The following PRR5 variants were observed in gnomAD, a reference collection of about 807,000 sequenced individuals.
The protein encoded by PRR5 is proline rich 5.
A neutral mutation model predicts 30.6 loss-of-function variants in PRR5; 25 were observed. That is an observed-to-expected ratio of 0.82 (90% CI 0.60 to 1.14). The LOEUF is 1.14. PRR5 is among the 50% of genes most tolerant of loss of function. The probability of loss-of-function intolerance (pLI) is 0.00; values close to 1 mark genes in which losing one functional copy is unlikely to be tolerated. For synonymous variants in PRR5, 286 were observed against 247.1 expected (o/e 1.16, Z -1.48); for missense variants, 600 against 547.1 (o/e 1.10, Z -0.96).
chr22:44,672,383 G>A (rs924836438), upstream of PRR5, among the ~76,000 whole-genome samples: 11 of 152,092 alleles, frequency 7.2e-5, no homozygotes, highest in African/African-American at 2.4e-4. Context: ...TCAGGAGTTC[G>A]AGAGCAGGCT....
At position 44,729,429 on chromosome 22, in the gene PRR5, C is replaced by T. The variant is rs544901597; in HGVS notation, c.323-2301C>T. 33 of 985,300 alleles carry T rather than the reference C, an allele frequency of 3.3e-5. No individual in the cohort carries two copies. The South Asian group carries it at 1.2e-3, about 36-fold the overall frequency. 61.0% of individuals were successfully genotyped at this position (985,300 alleles called of 1,614,324 possible). A position where few individuals can be genotyped will look rare whatever the true frequency, so the allele number is the denominator to read the frequency against. On this transcript the variant is annotated intron_variant, in intron 4 of 7. Coordinates refer to ENST00000336985, the MANE Select transcript of PRR5 (RefSeq NM_181333.4). The stretch of plus-strand genomic sequence containing the variant: ...CACGGAGCCAAGGCTACTGCGGGGC[C>T]GCTCGCCTGCATCAGCCCCTGCTAC...
At position 44,736,790 on chromosome 22, in the gene PRR5, G is replaced by T; in HGVS notation, c.710G>T (p.Arg237Leu). Residue 237 changes from arginine to leucine, a missense_variant, in exon 8 of 8, where the codon CGC becomes CTC. Physicochemically the swap from Arg to Leu is moderately radical, Grantham distance 102 (BLOSUM62 -2). Coordinates refer to ENST00000336985, the MANE Select transcript of PRR5 (RefSeq NM_181333.4). ...TCCCCAGAAAAGCGCCTCCTCCGCC[G>T]CTCCCGCTCGGGGGACGTGCTGGCC... ...SCILEKRLLR[R>L]SRSGDVLAKN... The T allele has an allele frequency of 1.3e-6, 2 of 1,555,046 alleles. No homozygotes were observed. Among genetic ancestry groups the T allele is most frequent in the Non-Finnish European group, 8.7e-7 (1 of 1,145,766 alleles).
intron 1 of PRR5, among the ~76,000 whole-genome samples, chr22:44,705,548 C>T (rs1369384711): frequency 1.3e-5 from 2 of 152,038 alleles, no homozygotes; most frequent in East Asian, 3.9e-4. Flanking sequence ...TAGTCTCTAA[C>T]TCCTGACCTC....
chr22:44,671,466 C>T (rs1923423225), intron 1 of PRR5, among the ~76,000 whole-genome samples: 1 of 152,004 alleles, frequency 6.6e-6, no homozygotes, highest in African/African-American at 2.4e-5. Flanking sequence ...CTTCAGAAAC[C>T]CTCCGTCTCG....
chr22:44,681,715 A>G (rs1481220488), intron 1 of PRR5, among the ~76,000 whole-genome samples: 3 of 152,138 alleles, frequency 2.0e-5, no homozygotes, highest in African/African-American at 7.2e-5. Context: ...TTCCAGCCTT[A>G]TGGGACCAGG....
In PRR5 at chr22:44,702,580, CG is replaced by C; in HGVS notation, c.109del (p.Ala37ProfsTer14). On this transcript the variant is annotated frameshift_variant, in exon 1 of 8. Coordinates refer to ENST00000336985, the MANE Select transcript of PRR5 (RefSeq NM_181333.4). LOFTEE classifies it high-confidence loss of function. Reference sequence around the variant, plus strand: ...GGACGAGCGGGGCACGCAGCAGCGCCGGGCCTGCGCCAACGCCACCTGGAAC... The same window carrying C: ...GGACGAGCGGGGCACGCAGCAGCGCCGGCCTGCGCCAACGCCACCTGGAAC... ...AADERGTQQR[R>X]ACANATWNSI... The C allele has an allele frequency of 7.2e-7, 1 of 1,390,478 alleles. No individual in the cohort carries two copies. Among genetic ancestry groups the C allele is most frequent in the South Asian group, 1.6e-5 (1 of 62,960 alleles). 86.1% of individuals were successfully genotyped at this position (1,390,478 alleles called of 1,614,324 possible). A position where few individuals can be genotyped will look rare whatever the true frequency, so the allele number is the denominator to read the frequency against.
At chr22:44,697,966 T>C (rs1291246034), upstream of PRR5, among the ~76,000 whole-genome samples, 2 of 152,208 alleles carry the variant, frequency 1.3e-5, no homozygotes, top group South Asian at 2.1e-4. Context: ...TTGGCTGGCC[T>C]GTGTCCCAGA....
At chr22:44,729,824 G>A (rs1380766144) in intron 4 of PRR5, 14 of 985,364 alleles carry the variant, frequency 1.4e-5, no homozygotes, top group African/African-American at 1.0e-4. Flanking sequence ...AACAGCCTGC[G>A]CTGAGCAGAA....
chr22:44,722,338 G>A (rs1383500483), intron 2 of PRR5, among the ~76,000 whole-genome samples: 1 of 152,238 alleles, frequency 6.6e-6, no homozygotes, highest in Admixed American at 6.5e-5. Context: ...ACGGAGGCCT[G>A]TGACTGGCCT....
intron 2 of PRR5, among the ~76,000 whole-genome samples, chr22:44,715,448 C>T (rs994088517): frequency 6.6e-6 from 1 of 152,180 alleles, no homozygotes; most frequent in African/African-American, 2.4e-5. Flanking sequence ...ACGCAGGCGC[C>T]CCCCTCCACC....
intron 6 of PRR5, 91 bp from the exon 7 acceptor site, chr22:44,734,936 G>C (rs887117681): frequency 6.9e-7 from 1 of 1,458,314 alleles, no homozygotes; most frequent in African/African-American, 1.4e-5. Flanking sequence ...GCAGAGGACA[G>C]GCTGTCTGGT....
chr22:44,725,274 C>G lies in PRR5; in HGVS notation c.246C>G (p.Phe82Leu). 6.2e-7 allele frequency: 1 copy of G among 1,613,790 alleles called. No individual in the cohort carries two copies. The highest frequency in any genetic ancestry group is 8.5e-7 in the Non-Finnish European group (1 of 1,179,970). Residue 82 changes from phenylalanine to leucine, a missense_variant, in exon 3 of 8, where the codon TTC (phenylalanine) becomes TTG (leucine). Physicochemically the swap from Phe to Leu is conservative, Grantham distance 22 (BLOSUM62 0). Transcript: ENST00000336985. ...RQLLKTELGS[F>L]FTEYLQNQLL... ...TGTTGAAGACAGAGCTGGGGTCCTT[C>G]TTCACGGAGTACCTGCAGGTAGGTG...
At chr22:44,716,387 C>G (rs990294026) in intron 2 of PRR5, among the ~76,000 whole-genome samples, 1 of 152,216 alleles carries the variant, frequency 6.6e-6, no homozygotes, top group Non-Finnish European at 1.5e-5. Flanking sequence ...GAGTTTTTCA[C>G]ACCAAACCTG....
chr22:44,703,134 G>C (rs1361473471), intron 1 of PRR5, among the ~76,000 whole-genome samples: 8 of 152,162 alleles, frequency 5.3e-5, no homozygotes, highest in Admixed American at 5.2e-4. Flanking sequence ...TTCTTTAGAG[G>C]ACTCTCCTCC....
intron 1 of PRR5, among the ~76,000 whole-genome samples, chr22:44,695,869 C>G (rs6007248): frequency 0.035 from 5,281 of 150,514 alleles, 130 homozygotes; most frequent in Non-Finnish European, 0.048. Context: ...CCAAAGTGCG[C>G]CCAGCCTGTC....
chr22:44,732,490 G>C (rs1029750400), intron 6 of PRR5, 99 bp downstream of exon 6: 15 of 1,475,736 alleles, frequency 1.0e-5, no homozygotes, highest in Non-Finnish European at 1.4e-5. Context: ...TTAGGGGCAC[G>C]AGACTTAAGG....
chr22:44,721,143 T>G (rs1256940828), intron 2 of PRR5, among the ~76,000 whole-genome samples: 5 of 152,058 alleles, frequency 3.3e-5, no homozygotes. Context: ...TCTTGGCGCT[T>G]TGAACAAAGA....
intron 1 of PRR5, among the ~76,000 whole-genome samples, chr22:44,682,813 G>T (rs1431573085): frequency 6.6e-6 from 1 of 152,138 alleles, no homozygotes; most frequent in Non-Finnish European, 1.5e-5. Context: ...CATTCTGCAG[G>T]GCCGCCCAAG....
chr22:44,718,489 C>A (rs1252949968), intron 2 of PRR5, among the ~76,000 whole-genome samples: 1 of 152,216 alleles, frequency 6.6e-6, no homozygotes, highest in African/African-American at 2.4e-5. Context: ...GCCACCGCAA[C>A]TGGCCTCATT....
Sources: allele counts gnomAD v4.1 joint callset (sites outside exome capture counted in the v4.1 genomes callset), GRCh38; gene constraint gnomAD v4.1.1; transcripts MANE v1.5; gene names NCBI Gene and HGNC (gene_info 2026-07-23, HGNC 2026-07-21).